MCTP1: variants seen among roughly 807,000 people sequenced by gnomAD.
MCTP1 encodes multiple C2 and transmembrane domain-containing protein 1.
Under a neutral mutation model 120.6 loss-of-function variants are expected in MCTP1, and 69 were observed. That is an observed-to-expected ratio of 0.57 (90% CI 0.47 to 0.70). The LOEUF (loss-of-function observed/expected upper bound fraction) is 0.70, where lower values mean the gene tolerates loss of function less well. Ranked by LOEUF, MCTP1 falls within the 30% of genes least tolerant of loss-of-function variation. The pLI is 0.00. For missense variants in MCTP1, 1,203 were observed against 1,248.8 expected, an observed-to-expected ratio of 0.96 and a Z score of 0.55; for synonymous variants, 529 against 493.1, an observed-to-expected ratio of 1.07 and a Z score of -0.96.
chr5:95,144,678 C>T (rs1760226727), intron 1 of MCTP1, among the ~76,000 whole-genome samples: 1 of 152,132 alleles, frequency 6.6e-6, no homozygotes, highest in Admixed American at 6.5e-5. Context: ...TTCACCATTG[C>T]TCATTTTTGT....
chr5:94,967,713 T>C (rs1825943493), intron 2 of MCTP1, among the ~76,000 whole-genome samples: 1 of 152,364 alleles, frequency 6.6e-6, no homozygotes, highest in Non-Finnish European at 1.5e-5. Context: ...AAACGTATTA[T>C]GATGGCGCAA....
chr5:94,832,305 G>T (rs1024115453), intron 17 of MCTP1, among the ~76,000 whole-genome samples: 4 of 152,146 alleles, frequency 2.6e-5, no homozygotes, highest in African/African-American at 9.7e-5. Context: ...TGCCAAGGGG[G>T]TTAGAAAAGT....
At chr5:94,952,392 G>A (rs1159015855) in intron 3 of MCTP1, among the ~76,000 whole-genome samples, 2 of 151,998 alleles carry the variant, frequency 1.3e-5, no homozygotes, top group African/African-American at 4.8e-5. Flanking sequence ...TCCTTTCTGT[G>A]GAGGAAAGAA....
chr5:95,057,757 C>G (rs897647180), intron 1 of MCTP1, among the ~76,000 whole-genome samples: 1 of 152,104 alleles, frequency 6.6e-6, no homozygotes, highest in Admixed American at 6.6e-5. Flanking sequence ...AATGCAGTGA[C>G]AAATGCAGCT....
chr5:95,010,775 G>T (rs755395994), intron 2 of MCTP1, among the ~76,000 whole-genome samples: 43 of 152,060 alleles, frequency 2.8e-4, no homozygotes, highest in Non-Finnish European at 5.1e-4. Flanking sequence ...TGGCGGAGAA[G>T]TCTGCAGTGA....
At chr5:95,105,485 C>CCCATAGGAGTT (rs1757017160) in intron 1 of MCTP1, among the ~76,000 whole-genome samples, 1 of 152,190 alleles carries the variant, frequency 6.6e-6, no homozygotes, top group African/African-American at 2.4e-5. Context: ...AATCAGTTTA[C>CCCATAGGAGTT]ACATGGGCAC....
intron 1 of MCTP1, among the ~76,000 whole-genome samples, chr5:95,090,768 A>T (rs551732684): frequency 6.6e-6 from 1 of 152,268 alleles, no homozygotes; most frequent in East Asian, 1.9e-4. Flanking sequence ...CTCACAAAAT[A>T]ATCTTATCCA....
At chr5:95,129,089 C>T (rs1336063710) in intron 1 of MCTP1, among the ~76,000 whole-genome samples, 2 of 152,166 alleles carry the variant, frequency 1.3e-5, no homozygotes, top group Non-Finnish European at 2.9e-5. Context: ...TAGATCCATG[C>T]TTATGAAACA....
At chr5:94,935,086 G>A (rs1376050260) in intron 5 of MCTP1, among the ~76,000 whole-genome samples, 1 of 151,788 alleles carries the variant, frequency 6.6e-6, no homozygotes, top group Non-Finnish European at 1.5e-5. Flanking sequence ...TGCCCTCCAT[G>A]GAGGTTTTGG....
At chr5:94,962,883 A>C (rs984270447) in intron 2 of MCTP1, among the ~76,000 whole-genome samples, 1 of 152,180 alleles carries the variant, frequency 6.6e-6, no homozygotes, top group Non-Finnish European at 1.5e-5. Context: ...AAAGAAATAG[A>C]TACATAATAA....
intron 1 of MCTP1, among the ~76,000 whole-genome samples, chr5:95,042,705 C>T (rs1842552457): frequency 6.6e-6 from 1 of 152,176 alleles, no homozygotes; most frequent in African/African-American, 2.4e-5. Context: ...TACCCTTTTA[C>T]AGAATGTACA....
intron 1 of MCTP1, among the ~76,000 whole-genome samples, chr5:95,044,198 C>CA (rs1172435636): frequency 1.3e-5 from 2 of 152,166 alleles, no homozygotes; most frequent in Admixed American, 6.5e-5. Flanking sequence ...GTTAAGTCCA[C>CA]AGAAAGGGAC....
Position 94,873,172 on chromosome 5 carries a change from T to C in MCTP1, c.2003A>G (p.Asn668Ser). Reference protein sequence around the residue: ...DRLLTHTVYKNLNPEWNKVFT... With the variant: ...DRLLTHTVYKSLNPEWNKVFT... ...GACTTTATTCCACTCAGGATTGAGA[T>C]TTTTGTAGACAGTATGTGTTAGCAG... is the stretch of plus-strand genomic sequence containing the variant. The change falls in exon 13 of 23, where the codon AAT becomes AGT. Residue 668 changes from asparagine to serine, a missense_variant. Around this residue, in one of 2 missense-constraint regions of MCTP1, gnomAD observed 740 missense variants for 871.1 expected, o/e 0.85. Coordinates refer to ENST00000515393, the MANE Select transcript of MCTP1 (RefSeq NM_024717.7). 6.2e-7 allele frequency: 1 copy of C among 1,610,232 alleles called. No homozygotes were observed. The highest frequency in any genetic ancestry group is 8.5e-7 in the Non-Finnish European group (1 of 1,177,044).
rs971449691 is a variant in MCTP1 at position 94,705,080 on chromosome 5, A to C, written c.*2416T>G. 8 of 151,530 alleles carry C rather than the reference A, an allele frequency of 5.3e-5. No homozygotes were observed. The East Asian group carries it at 1.6e-3, about 30-fold the overall frequency. The allele number at this position is 151,530 out of a possible 1,614,324, so 9.4% of individuals were successfully genotyped here. Reference sequence around the variant, plus strand: ...ACTAAAGGAATATATTTAGTAGTTCACAATATCTATAATAGTTAGCAGTCC... The same window carrying C: ...ACTAAAGGAATATATTTAGTAGTTCCCAATATCTATAATAGTTAGCAGTCC... On this transcript the variant is annotated 3_prime_UTR_variant, in exon 23 of 23. Coordinates refer to ENST00000515393, the MANE Select transcript of MCTP1 (RefSeq NM_024717.7).
At chr5:94,743,901 A>T (rs542293356) in intron 19 of MCTP1, among the ~76,000 whole-genome samples, 2 of 152,072 alleles carry the variant, frequency 1.3e-5, no homozygotes, top group African/African-American at 4.8e-5. Flanking sequence ...GGTCTCCCAA[A>T]GTGCTAGGAT....
At chr5:95,168,327 C>T (rs1485378940) in intron 1 of MCTP1, among the ~76,000 whole-genome samples, 3 of 152,144 alleles carry the variant, frequency 2.0e-5, no homozygotes, top group Non-Finnish European at 4.4e-5. Context: ...AGTCAGGTAG[C>T]ATGATGCCTC....
chr5:94,786,070 C>T (rs1186196282), intron 18 of MCTP1, among the ~76,000 whole-genome samples: 7 of 151,992 alleles, frequency 4.6e-5, no homozygotes, highest in East Asian at 1.9e-4. Flanking sequence ...TTGAAAACAA[C>T]AACAACAAAA....
At chr5:94,893,446 T>G (rs1803149652) in intron 11 of MCTP1, among the ~76,000 whole-genome samples, 1 of 152,236 alleles carries the variant, frequency 6.6e-6, no homozygotes, top group Non-Finnish European at 1.5e-5. Flanking sequence ...AATTATATAT[T>G]AGAAGATGTC....
At chr5:94,990,721 A>G (rs1446756468) in intron 2 of MCTP1, among the ~76,000 whole-genome samples, 2 of 152,216 alleles carry the variant, frequency 1.3e-5, no homozygotes, top group African/African-American at 2.4e-5. Flanking sequence ...GAATTATACA[A>G]AGACATGGAT....
Sources: allele counts gnomAD v4.1 joint callset (sites outside exome capture counted in the v4.1 genomes callset), GRCh38; gene constraint gnomAD v4.1.1; regional missense constraint gnomAD v4.1.1; transcripts MANE v1.5; gene names NCBI Gene and HGNC (gene_info 2026-07-23, HGNC 2026-07-21).